PLD5: variants seen among roughly 807,000 people sequenced by gnomAD.
PLD5 encodes inactive phospholipase D5.
A neutral mutation model predicts 61.1 loss-of-function variants in PLD5; 36 were observed. That is an observed-to-expected ratio of 0.59 (90% confidence interval 0.45 to 0.78). The LOEUF is 0.78. PLD5 is among the 30% of genes least tolerant of loss of function. The probability of loss-of-function intolerance (pLI) is 0.00; values close to 1 mark genes in which losing one functional copy is unlikely to be tolerated. For synonymous variants in PLD5, 243 were observed against 242.8 expected (o/e 1.00, Z -0.01); for missense variants, 515 against 644.4 (o/e 0.80, Z 2.17).
chr1:242,391,631 G>A (rs760125912), intron 1 of PLD5, among the ~76,000 whole-genome samples: 42 of 152,142 alleles, frequency 2.8e-4, no homozygotes, highest in Non-Finnish European at 5.6e-4. Context: ...CAGGGTTTCC[G>A]AGTACCCATT....
chr1:242,133,601 T>TCCTTCTTTCTTCCTTC (rs1302833480), intron 5 of PLD5, among the ~76,000 whole-genome samples: 1 of 152,184 alleles, frequency 6.6e-6, no homozygotes, highest in Non-Finnish European at 1.5e-5. Context: ...ATTCTTCCTT[T>TCCTTCTTTCTTCCTTC]CCTTCTTTCT....
chr1:242,129,097 C>T (rs542399881), intron 5 of PLD5, among the ~76,000 whole-genome samples: 5 of 152,258 alleles, frequency 3.3e-5, no homozygotes, highest in Admixed American at 6.5e-5. Flanking sequence ...CCATTTATCA[C>T]CATCAAGATG....
intron 9 of PLD5, among the ~76,000 whole-genome samples, chr1:242,093,869 A>G (rs1279593280): frequency 6.6e-6 from 1 of 152,172 alleles, no homozygotes; most frequent in African/African-American, 2.4e-5. Flanking sequence ...GACTTATTCT[A>G]TGAAATATAG....
intron 5 of PLD5, among the ~76,000 whole-genome samples, chr1:242,149,591 A>C (rs1451682174): frequency 6.6e-6 from 1 of 151,544 alleles, no homozygotes; most frequent in Admixed American, 6.6e-5. Flanking sequence ...CAGTGAAACC[A>C]TCTGAACCTG....
chr1:242,179,612 G>A (rs768834774), intron 5 of PLD5, among the ~76,000 whole-genome samples: 1 of 152,152 alleles, frequency 6.6e-6, no homozygotes, highest in African/African-American at 2.4e-5. Flanking sequence ...GTAGAATTGA[G>A]TGTGTATAGG....
intron 5 of PLD5, among the ~76,000 whole-genome samples, chr1:242,210,019 T>C (rs1669697866): frequency 6.6e-6 from 1 of 152,180 alleles, no homozygotes; most frequent in African/African-American, 2.4e-5. Context: ...GGTCTTGAAC[T>C]CCTGACCTCA....
chr1:242,262,698 C>G (rs1372018575), intron 4 of PLD5, among the ~76,000 whole-genome samples: 2 of 151,922 alleles, frequency 1.3e-5, no homozygotes, highest in African/African-American at 2.4e-5. Flanking sequence ...ATGTGGCGTA[C>G]GAGAGCGTGG....
intron 5 of PLD5, among the ~76,000 whole-genome samples, chr1:242,161,140 A>C (rs969542374): frequency 5.3e-5 from 8 of 152,138 alleles, no homozygotes; most frequent in Non-Finnish European, 7.3e-5. Context: ...CGCTGCTAAT[A>C]AAGACATACC....
chr1:242,234,083 G>A (rs1671482488), intron 4 of PLD5, among the ~76,000 whole-genome samples: 2 of 152,154 alleles, frequency 1.3e-5, no homozygotes, highest in African/African-American at 2.4e-5. Flanking sequence ...TAACGCATTT[G>A]TTCCTTCCTT....
chr1:242,259,324 C>T (rs1018669732), intron 4 of PLD5, among the ~76,000 whole-genome samples: 31 of 151,658 alleles, frequency 2.0e-4, no homozygotes, highest in Middle Eastern at 3.4e-3. Flanking sequence ...CTCTCTCTCT[C>T]TCAAAAAAAA....
At chr1:242,493,851 T>C (rs190212798) in intron 1 of PLD5, among the ~76,000 whole-genome samples, 8 of 152,304 alleles carry the variant, frequency 5.3e-5, no homozygotes, top group African/African-American at 1.4e-4. Flanking sequence ...CTGGAAATAA[T>C]ATGCACAACC....
At chr1:242,466,944 A>G (rs1434962801) in intron 1 of PLD5, among the ~76,000 whole-genome samples, 2 of 151,400 alleles carry the variant, frequency 1.3e-5, no homozygotes, top group Non-Finnish European at 2.9e-5. Context: ...GCTGGTTACC[A>G]GGGCTGAGTG....
chr1:242,440,894 A>G (rs950613367), intron 1 of PLD5, among the ~76,000 whole-genome samples: 1 of 152,212 alleles, frequency 6.6e-6, no homozygotes, highest in African/African-American at 2.4e-5. Context: ...TTGACACTGT[A>G]TGGATGAAAT....
intron 1 of PLD5, among the ~76,000 whole-genome samples, chr1:242,437,505 T>G (rs1666053857): frequency 6.6e-6 from 1 of 152,136 alleles, no homozygotes; most frequent in Non-Finnish European, 1.5e-5. Flanking sequence ...AAGACCAGCC[T>G]GGCCAACATG....
At chr1:242,250,063 T>C (rs560651664) in intron 4 of PLD5, among the ~76,000 whole-genome samples, 3 of 152,318 alleles carry the variant, frequency 2.0e-5, no homozygotes, top group Admixed American at 2.0e-4. Flanking sequence ...ACCTTCTAGG[T>C]CCCAACCATG....
At chr1:242,338,839 C>T (rs1659675753) in intron 2 of PLD5, among the ~76,000 whole-genome samples, 1 of 152,060 alleles carries the variant, frequency 6.6e-6, no homozygotes, top group Non-Finnish European at 1.5e-5. Flanking sequence ...GAGTAGAGTT[C>T]AGAAGCATAA....
chr1:242,159,541 G>C (rs1419773715), intron 5 of PLD5, among the ~76,000 whole-genome samples: 1 of 152,002 alleles, frequency 6.6e-6, no homozygotes, highest in Non-Finnish European at 1.5e-5. Context: ...TGTGTTTATG[G>C]TTCTCCGAGG....
intron 1 of PLD5, among the ~76,000 whole-genome samples, chr1:242,446,694 C>T (rs1666556951): frequency 2.0e-5 from 3 of 152,170 alleles, no homozygotes; most frequent in Admixed American, 2.0e-4. Context: ...AGAGTAGGAA[C>T]ATAAGGTGTT....
chr1:242,275,512 A>T (rs1674363617), intron 3 of PLD5, among the ~76,000 whole-genome samples: 1 of 152,198 alleles, frequency 6.6e-6, no homozygotes, highest in Non-Finnish European at 1.5e-5. Context: ...TTGGATAAAG[A>T]GAAGTGACTT....
Sources: allele counts gnomAD v4.1 joint callset (sites outside exome capture counted in the v4.1 genomes callset), GRCh38; gene constraint gnomAD v4.1.1; transcripts MANE v1.5; gene names NCBI Gene and HGNC (gene_info 2026-07-23, HGNC 2026-07-21).